The following ADGRL2 variants were observed in gnomAD, a reference collection of about 807,000 sequenced individuals.
ADGRL2 encodes the protein adhesion G protein-coupled receptor L2, also known as calcium-independent alpha-latrotoxin receptor 2.
ADGRL2 carries 44 observed loss-of-function variants against 157.4 expected under a neutral mutation model. The observed-to-expected ratio is 0.28, with a 90% CI of 0.22 to 0.36. ADGRL2 has a LOEUF of 0.36. Among genes scored for constraint, ADGRL2 ranks in the 10% least tolerant of loss-of-function variants. ADGRL2 has a pLI of 1.00. For synonymous variants in ADGRL2, 585 were observed against 624.7 expected (o/e 0.94, Z 0.95); for missense variants, 1,510 against 1,768.9 (o/e 0.85, Z 2.63).
intron 2 of ADGRL2, among the ~76,000 whole-genome samples, chr1:81,546,944 T>G (rs1442210505): frequency 6.6e-6 from 1 of 152,200 alleles, no homozygotes; most frequent in African/African-American, 2.4e-5. Context: ...TGATATTCAT[T>G]CATGTTTTGT....
At chr1:81,521,774 G>A (rs1333618425) in intron 2 of ADGRL2, among the ~76,000 whole-genome samples, 2 of 152,144 alleles carry the variant, frequency 1.3e-5, no homozygotes, top group Admixed American at 6.5e-5. Context: ...TGAGACATGG[G>A]AAAAGATGAT....
rs755818609 is a variant in ADGRL2, at chr1:81,985,254, A to G, written c.3412-5A>G. 3.3e-6 allele frequency: 5 copies of G among 1,521,294 alleles called. No individual in the cohort carries two copies. In the South Asian group the frequency reaches 4.6e-5, roughly 14 times the overall value. The allele number at this position is 1,521,294 out of a possible 1,614,324, so 94.2% of individuals were successfully genotyped here. A position where few individuals can be genotyped will look rare whatever the true frequency, so the allele number is the denominator to read the frequency against. ...CATATTTGTCTTGCTGTTTTGTATT[A>G]ATAGAGTCGTATAAGAAGAATGTGG... On this transcript the variant is annotated splice_polypyrimidine_tract_variant and splice_region_variant and intron_variant, in intron 20 of 23. Transcript: ENST00000686636.
At chr1:81,690,663 C>T (rs2083313579) in intron 3 of ADGRL2, among the ~76,000 whole-genome samples, 1 of 152,134 alleles carries the variant, frequency 6.6e-6, no homozygotes, top group Admixed American at 6.5e-5. Flanking sequence ...AGTTAAAAAT[C>T]ACAGGATTGG....
At chr1:81,337,333 G>T (rs1036036141) in intron 1 of ADGRL2, among the ~76,000 whole-genome samples, 1 of 143,486 alleles carries the variant, frequency 7.0e-6, no homozygotes, top group African/African-American at 2.5e-5. Flanking sequence ...TGGGGCTCCA[G>T]GGGTTGTGGG....
intron 2 of ADGRL2, among the ~76,000 whole-genome samples, chr1:81,852,720 G>A (rs989338338): frequency 5.9e-5 from 9 of 151,804 alleles, no homozygotes; most frequent in African/African-American, 2.2e-4. Context: ...GCTTATTTCT[G>A]TTCTCATCCT....
chr1:81,415,100 A>G (rs781012428), intron 1 of ADGRL2, among the ~76,000 whole-genome samples: 11 of 152,238 alleles, frequency 7.2e-5, no homozygotes, highest in Admixed American at 6.5e-5. Flanking sequence ...CAAGGGATAT[A>G]GCTTTTATTC....
At chr1:81,543,821 C>T (rs913002825) in intron 2 of ADGRL2, among the ~76,000 whole-genome samples, 2 of 152,200 alleles carry the variant, frequency 1.3e-5, no homozygotes, top group African/African-American at 4.8e-5. Flanking sequence ...ACCTCTCCCT[C>T]TTCTCGAGTT....
At chr1:81,983,237 T>C (rs1439021506) in intron 19 of ADGRL2, among the ~76,000 whole-genome samples, 1 of 151,998 alleles carries the variant, frequency 6.6e-6, no homozygotes, top group African/African-American at 2.4e-5. Context: ...AAATGCATCA[T>C]GTTATACTTC....
At chr1:81,743,295 C>T (rs540525940) in intron 1 of ADGRL2, among the ~76,000 whole-genome samples, 27 of 151,388 alleles carry the variant, frequency 1.8e-4, no homozygotes, top group African/African-American at 4.8e-4. Context: ...TAATAGAAAA[C>T]GGCAGGTCAG....
intron 2 of ADGRL2, among the ~76,000 whole-genome samples, chr1:81,521,747 G>A (rs910177401): frequency 1.6e-4 from 24 of 152,152 alleles, no homozygotes; most frequent in African/African-American, 5.8e-4. Flanking sequence ...AGGTGATTGA[G>A]GAAGGTGTCA....
intron 2 of ADGRL2, among the ~76,000 whole-genome samples, chr1:81,773,695 G>A (rs2086465628): frequency 1.3e-5 from 2 of 152,166 alleles, no homozygotes; most frequent in African/African-American, 4.8e-5. Flanking sequence ...ACATTTAGGG[G>A]TAGAACATAA....
chr1:81,386,098 G>C (rs573824306), intron 1 of ADGRL2, among the ~76,000 whole-genome samples: 1 of 152,030 alleles, frequency 6.6e-6, no homozygotes, highest in Non-Finnish European at 1.5e-5. Context: ...TAACTTGAAA[G>C]AATTTTATTT....
chr1:81,638,586 G>T (rs950469761), intron 3 of ADGRL2, among the ~76,000 whole-genome samples: 2 of 152,062 alleles, frequency 1.3e-5, no homozygotes, highest in Admixed American at 1.3e-4. Context: ...CCCTAGAAAT[G>T]ACATAATGTT....
chr1:81,736,434 G>GT (rs1286498317), intron 1 of ADGRL2, among the ~76,000 whole-genome samples: 5 of 152,052 alleles, frequency 3.3e-5, no homozygotes, highest in African/African-American at 1.2e-4. Context: ...ACCTAATGGG[G>GT]TTCCTCTTAT....
At chr1:81,830,885 G>A (rs1030954178) in intron 1 of ADGRL2, among the ~76,000 whole-genome samples, 12 of 152,150 alleles carry the variant, frequency 7.9e-5, no homozygotes, top group African/African-American at 2.9e-4. Flanking sequence ...ACCTCTGATG[G>A]TGATATTGAT....
chr1:81,408,034 A>G (rs1041832642), intron 1 of ADGRL2, among the ~76,000 whole-genome samples: 1 of 152,182 alleles, frequency 6.6e-6, no homozygotes, highest in Admixed American at 6.5e-5. Flanking sequence ...GTTACACAAG[A>G]CACACACAGG....
intron 1 of ADGRL2, among the ~76,000 whole-genome samples, chr1:81,359,653 A>T (rs985946667): frequency 6.6e-6 from 1 of 152,010 alleles, no homozygotes; most frequent in African/African-American, 2.4e-5. Flanking sequence ...AAGCTCCAGT[A>T]TTAATAGTAA....
In ADGRL2 at chr1:81,991,117, G is replaced by C. The variant is rs745804070; in HGVS notation, c.4382G>C (p.Gly1461Ala). 1.2e-6 allele frequency: 2 copies of C among 1,607,874 alleles called. No individual in the cohort carries two copies. Among genetic ancestry groups the C allele is most frequent in the Non-Finnish European group, 8.5e-7 (1 of 1,175,888 alleles). ...ATTCCAGAAGGAGATGTTAGAGAAG[G>C]ACAAATGCAGCTGGTTACAAGTCTT... Reference protein sequence around the residue: ...GCIPEGDVREGQMQLVTSL With the variant: ...GCIPEGDVREAQMQLVTSL Residue 1461 changes from glycine (G) to alanine (A), a missense_variant, in exon 24 of 24, where the codon GGA (glycine) becomes GCA (alanine). Transcript: ENST00000686636.
At chr1:81,986,184 A>C (rs1355450999) in intron 21 of ADGRL2, among the ~76,000 whole-genome samples, 2 of 152,110 alleles carry the variant, frequency 1.3e-5, no homozygotes, top group African/African-American at 4.8e-5. Flanking sequence ...GTTAGAATGA[A>C]AGACGTGCAT....
Sources: gnomAD v4.1 joint callset for allele counts (sites outside exome capture counted in the v4.1 genomes callset) on GRCh38, gnomAD v4.1.1 for gene constraint, MANE v1.5 for transcripts, NCBI Gene and HGNC (gene_info 2026-07-23, HGNC 2026-07-21) for gene names.